Variants in NPAS2 observed in about 807,000 individuals in gnomAD.
The protein encoded by NPAS2 is neuronal PAS domain protein 2.
A neutral mutation model predicts 107.5 loss-of-function variants in NPAS2; 23 were observed. That is an observed-to-expected ratio of 0.21 (90% confidence interval 0.15 to 0.30). The LOEUF (loss-of-function observed/expected upper bound fraction) is 0.30, where lower values mean the gene tolerates loss of function less well. Among genes scored for constraint, NPAS2 ranks in the 10% least tolerant of loss-of-function variants. The pLI is 1.00. For synonymous variants in NPAS2, 403 were observed against 417.5 expected (o/e 0.97, Z 0.42); for missense variants, 756 against 1,043.3 (o/e 0.72, Z 3.79).
intron 1 of NPAS2, chr2:100,877,944 A>G (rs2104614038): frequency 1.0e-6 from 1 of 983,816 alleles, no homozygotes; most frequent in South Asian, 4.7e-5. Flanking sequence ...CATGGCTGAA[A>G]CACTACATAA....
chr2:100,878,622 A>G (rs1311957089), intron 1 of NPAS2: 69 of 985,434 alleles, frequency 7.0e-5, no homozygotes, highest in Non-Finnish European at 8.2e-5. Context: ...GCTATCTGCT[A>G]ACAGAATCAA....
At chr2:100,982,478 C>G (rs1366060974) in intron 16 of NPAS2, 101 bp downstream of exon 16, 1 of 1,372,400 alleles carries the variant, frequency 7.3e-7, no homozygotes, top group Non-Finnish European at 1.0e-6. Context: ...GCCCTGTGAA[C>G]TGCCCTGCCA....
intron 1 of NPAS2, among the ~76,000 whole-genome samples, chr2:100,846,551 C>A (rs528901326): frequency 1.3e-5 from 2 of 152,148 alleles, no homozygotes; most frequent in South Asian, 4.1e-4. Context: ...TAACAATAAG[C>A]CTTCTTTTTA....
intron 3 of NPAS2, among the ~76,000 whole-genome samples, chr2:100,927,300 G>A (rs1683641738): frequency 1.3e-5 from 2 of 152,132 alleles, no homozygotes; most frequent in Non-Finnish European, 2.9e-5. Context: ...GTTCGTTTTT[G>A]TAGATGTCGT....
chr2:100,981,376 C>G (rs556061787), intron 15 of NPAS2, among the ~76,000 whole-genome samples: 13 of 152,160 alleles, frequency 8.5e-5, no homozygotes, highest in African/African-American at 3.1e-4. Context: ...GTCATAGCCC[C>G]GAAGAGCCCA....
At chr2:100,840,177 C>G (rs1266870837) in intron 1 of NPAS2, among the ~76,000 whole-genome samples, 2 of 152,136 alleles carry the variant, frequency 1.3e-5, no homozygotes, top group African/African-American at 4.8e-5. Flanking sequence ...GCTCTGGCTT[C>G]TAAGATCCTG....
intron 1 of NPAS2, among the ~76,000 whole-genome samples, chr2:100,871,329 GT>G (rs5832938): frequency 0.69 from 87,531 of 127,536 alleles, 30,057 homozygotes; most frequent in Non-Finnish European, 0.76. Context: ...CTTCTTCCTT[GT>G]TTTTTTTTTT....
intron 1 of NPAS2, among the ~76,000 whole-genome samples, chr2:100,868,696 A>G (rs995909662): frequency 6.6e-6 from 1 of 152,132 alleles, no homozygotes; most frequent in African/African-American, 2.4e-5. Flanking sequence ...AATCTGGATA[A>G]TTCCTTCAGA....
intron 1 of NPAS2, among the ~76,000 whole-genome samples, chr2:100,886,935 A>G (rs1396032622): frequency 6.6e-6 from 1 of 152,244 alleles, no homozygotes; most frequent in Non-Finnish European, 1.5e-5. Context: ...TTAGATTTGA[A>G]TGTTTCTAAA....
chr2:100,847,143 T>C (rs1037279675), intron 1 of NPAS2: 2 of 152,260 alleles, frequency 1.3e-5, no homozygotes, highest in African/African-American at 4.8e-5. Context: ...TTGTTGGGAC[T>C]GATTTGCTAT....
At chr2:100,975,684 T>C (rs1676941329) in intron 14 of NPAS2, 117 bp downstream of exon 14, 1 of 682,026 alleles carries the variant, frequency 1.5e-6, no homozygotes, top group African/African-American at 1.9e-5. Flanking sequence ...GGATTGAGAG[T>C]GTAGGGTGGC....
chr2:100,968,403 A>G lies in NPAS2; in HGVS notation c.1030A>G (p.Ile344Val), dbSNP rs1276221205. ...TCAGTGGAACTCCAAGCCCGAGTTCATCGTGTGCACACACTCGGTGGTCAG... is the reference window on the plus strand; with the variant it reads ...TCAGTGGAACTCCAAGCCCGAGTTCGTCGTGTGCACACACTCGGTGGTCAG... ...YHQWNSKPEF[I>V]VCTHSVVSYA... Residue 344 changes from isoleucine (I) to valine (V), a missense_variant, in exon 11 of 21, where the codon ATC (isoleucine) becomes GTC (valine). Around this residue, in one of 4 missense-constraint regions of NPAS2, gnomAD observed 84 missense variants for 175.5 expected, o/e 0.48. Coordinates refer to ENST00000335681, the MANE Select transcript of NPAS2 (RefSeq NM_002518.4). This position sits in a 1 kb window ranked among gnomAD's most constrained non-coding sequence, Gnocchi z 5.3. The G allele has an allele frequency of 6.2e-7, 1 of 1,613,988 alleles. No individual in the cohort carries two copies.
At chr2:100,959,101 A>ACAAAAAAAC (rs1172881911) in intron 7 of NPAS2, among the ~76,000 whole-genome samples, 1 of 99,368 alleles carries the variant, frequency 1.0e-5, no homozygotes, top group African/African-American at 4.7e-5. Context: ...AAAAAAAAAA[A>ACAAAAAAAC]AAAAAAAACA....
At chr2:100,852,819 C>T (rs192085456) in intron 1 of NPAS2, among the ~76,000 whole-genome samples, 27 of 152,244 alleles carry the variant, frequency 1.8e-4, no homozygotes, top group Non-Finnish European at 3.2e-4. Flanking sequence ...GCACAGGCAC[C>T]AGACTCGGTA....
Position 100,841,042 on chromosome 2 carries a change from T to C in NPAS2, c.-23+20628T>C, listed in dbSNP as rs1573437998. 3.3e-5 allele frequency among the ~76,000 whole-genome samples: 5 copies of C among 152,200 alleles called. 1 individual carries two copies. The highest frequency in any genetic ancestry group is 3.3e-4 in the Admixed American group (5 of 15,282). On this transcript the variant is annotated intron_variant, in intron 1 of 20. Coordinates refer to ENST00000335681, the MANE Select transcript of NPAS2 (RefSeq NM_002518.4). Reference sequence around the variant, plus strand: ...AGTGGGGATAATTGTAGGATCTGCTTCAGGATGTTGTTCTGAGGATTCACG... The same window carrying C: ...AGTGGGGATAATTGTAGGATCTGCTCCAGGATGTTGTTCTGAGGATTCACG...
intron 1 of NPAS2, among the ~76,000 whole-genome samples, chr2:100,830,644 A>T (rs566490858): frequency 6.6e-6 from 1 of 152,184 alleles, no homozygotes; most frequent in African/African-American, 2.4e-5. Context: ...GCAGCTAGTC[A>T]TGGTTCTCCG....
chr2:100,966,706 ACCTCAG>A (rs555432434), intron 10 of NPAS2, among the ~76,000 whole-genome samples: 118 of 147,852 alleles, frequency 8.0e-4, no homozygotes, highest in African/African-American at 2.9e-3. Flanking sequence ...CAATTCTCCC[ACCTCAG>A]CCTCTAGAGT....
chr2:100,995,927 C>G lies in NPAS2; in HGVS notation c.*345C>G. ...AGAGTACACCGGTTGCTCTAGCCAC[C>G]TGCGGCCCGCCCATCTGCGCTAGCT... On this transcript the variant is annotated 3_prime_UTR_variant, in exon 21 of 21. Coordinates refer to ENST00000335681, the MANE Select transcript of NPAS2 (RefSeq NM_002518.4). 2 of 1,400,408 alleles carry G rather than the reference C, an allele frequency of 1.4e-6. No homozygotes were observed. Among genetic ancestry groups the G allele is most frequent in the Non-Finnish European group, 1.9e-6 (2 of 1,059,482 alleles). 86.7% of individuals were successfully genotyped at this position (1,400,408 alleles called of 1,614,324 possible).
intron 1 of NPAS2, among the ~76,000 whole-genome samples, chr2:100,850,011 TAAAAAAAA>T (rs58359292): frequency 9.4e-4 from 53 of 56,220 alleles, no homozygotes; most frequent in Non-Finnish European, 1.0e-3. Context: ...ACTCTTTTTG[TAAAAAAAA>T]AAAAAAAAAA....
Sources: gnomAD v4.1 joint callset for allele counts (sites outside exome capture counted in the v4.1 genomes callset) on GRCh38, gnomAD v4.1.1 for gene constraint, gnomAD v4.1.1 regional missense constraint, Gnocchi (gnomAD v3.1) non-coding constraint, MANE v1.5 for transcripts, NCBI Gene and HGNC (gene_info 2026-07-23, HGNC 2026-07-21) for gene names.